SVOPL: variants seen among roughly 807,000 people sequenced by gnomAD.
SVOPL encodes the protein putative transporter SVOPL.
SVOPL carries 60 observed loss-of-function variants against 61.0 expected under a neutral mutation model. The observed-to-expected ratio is 0.98, with a 90% CI of 0.80 to 1.22. SVOPL has a LOEUF of 1.22. SVOPL is among the 50% of genes most tolerant of loss of function. The pLI is 0.00. For synonymous variants in SVOPL, 279 were observed against 250.0 expected (o/e 1.12, Z -1.09); for missense variants, 662 against 643.9 (o/e 1.03, Z -0.30).
chr7:138,680,429 G>A (rs1392266800), intron 1 of SVOPL, among the ~76,000 whole-genome samples: 2 of 152,146 alleles, frequency 1.3e-5, no homozygotes, highest in African/African-American at 2.4e-5. Context: ...GATTACAGGC[G>A]TGAGCCACCA....
intron 3 of SVOPL, among the ~76,000 whole-genome samples, chr7:138,677,195 C>CAA (rs1563135384): frequency 6.6e-6 from 1 of 152,110 alleles, no homozygotes; most frequent in East Asian, 1.9e-4. Flanking sequence ...TGAGCCACTG[C>CAA]GCCCGGCCTC....
chr7:138,668,383 GCT>G (rs1271671056), intron 4 of SVOPL, among the ~76,000 whole-genome samples: 1 of 152,154 alleles, frequency 6.6e-6, no homozygotes, highest in Non-Finnish European at 1.5e-5. Context: ...TGAGAAATCA[GCT>G]CTGTCTAGTC....
chr7:138,685,635 C>T (rs973354854), intron 1 of SVOPL, among the ~76,000 whole-genome samples: 4 of 152,076 alleles, frequency 2.6e-5, no homozygotes, highest in Non-Finnish European at 4.4e-5. Flanking sequence ...TGTGGTGGCT[C>T]ATGCCTGTAA....
chr7:138,649,663 T>C (rs1801321547), intron 7 of SVOPL, among the ~76,000 whole-genome samples: 1 of 151,922 alleles, frequency 6.6e-6, no homozygotes, highest in Admixed American at 6.6e-5. Context: ...CAGAAAGCAG[T>C]AAGGGCTGTA....
chr7:138,608,466 A>G (rs1798851094), intron 14 of SVOPL, among the ~76,000 whole-genome samples: 1 of 152,208 alleles, frequency 6.6e-6, no homozygotes, highest in African/African-American at 2.4e-5. Context: ...TGGATTTTCA[A>G]TACGTCGTGT....
At chr7:138,660,678 C>T in intron 5 of SVOPL, 17 of 985,390 alleles carry the variant, frequency 1.7e-5, no homozygotes, top group Non-Finnish European at 2.0e-5. Context: ...TCTCTGATAT[C>T]TTTAGCAAGC....
At chr7:138,700,780 G>A (rs79721006) in intron 1 of SVOPL, among the ~76,000 whole-genome samples, 2,276 of 152,032 alleles carry the variant, frequency 0.015, 41 homozygotes, top group East Asian at 0.063. Context: ...AGAATGCTTC[G>A]CGTCCCTCAC....
chr7:138,638,044 C>A (rs533740711), intron 9 of SVOPL, among the ~76,000 whole-genome samples: 2 of 152,012 alleles, frequency 1.3e-5, no homozygotes, highest in Non-Finnish European at 2.9e-5. Flanking sequence ...AAGGTAAATG[C>A]AGGTGGATCA....
intron 4 of SVOPL, among the ~76,000 whole-genome samples, chr7:138,671,355 T>C (rs1169162767): frequency 1.3e-5 from 2 of 152,192 alleles, no homozygotes; most frequent in African/African-American, 4.8e-5. Context: ...AAGGCTATTT[T>C]TTCTTTTTTG....
intron 12 of SVOPL, among the ~76,000 whole-genome samples, 190 bp downstream of exon 12, chr7:138,627,160 G>A (rs1799928010): frequency 6.6e-6 from 1 of 152,160 alleles, no homozygotes; most frequent in South Asian, 2.1e-4. Context: ...GCTGGAGGAA[G>A]ATGGGGTCTG....
At chr7:138,671,202 C>T (rs1802407014) in intron 4 of SVOPL, among the ~76,000 whole-genome samples, 3 of 152,098 alleles carry the variant, frequency 2.0e-5, no homozygotes. Flanking sequence ...TGCAGCTTCA[C>T]CTCCCATCAC....
Position 138,612,436 on chromosome 7 carries a change from T to TA in SVOPL, c.1353+8609dup, listed in dbSNP as rs60800575. Among the ~76,000 whole-genome samples, 53 of 17,860 alleles carry TA rather than the reference T, an allele frequency of 3.0e-3. 8 individuals are homozygous for TA. Among genetic ancestry groups the TA allele is most frequent in the African/African-American group, 0.011 (49 of 4,340 alleles). 11.7% of individuals were successfully genotyped at this position (17,860 alleles called of 152,430 possible). On this transcript the variant is annotated intron_variant, in intron 14 of 15. Coordinates refer to ENST00000674285, the MANE Select transcript of SVOPL (RefSeq NM_001139456.2). ...AAAAAAAAAAAAATAAAATAAAAAA[T>TA]AAAAAAAAAATAAAAAAAAAAAAAA... is the stretch of plus-strand genomic sequence containing the variant.
intron 1 of SVOPL, among the ~76,000 whole-genome samples, chr7:138,680,713 G>C (rs912434835): frequency 2.0e-5 from 3 of 152,012 alleles, no homozygotes; most frequent in Non-Finnish European, 4.4e-5. Flanking sequence ...TGAGTAGCTG[G>C]GACTACAGGC....
intron 1 of SVOPL, among the ~76,000 whole-genome samples, chr7:138,685,083 C>T (rs1311685851): frequency 2.0e-5 from 3 of 151,954 alleles, no homozygotes; most frequent in African/African-American, 4.8e-5. Flanking sequence ...CAGGCATGTG[C>T]CACCACACCC....
At chr7:138,595,800 G>A (rs955691637) in intron 15 of SVOPL, among the ~76,000 whole-genome samples, 2 of 152,088 alleles carry the variant, frequency 1.3e-5, no homozygotes, top group Admixed American at 1.3e-4. Context: ...TCCAAGTAAG[G>A]AACCTAAACA....
intron 14 of SVOPL, among the ~76,000 whole-genome samples, chr7:138,612,616 AG>A (rs1393017734): frequency 6.6e-6 from 1 of 151,568 alleles, no homozygotes; most frequent in Non-Finnish European, 1.5e-5. Flanking sequence ...CCAGGTTCTA[AG>A]GGATTCTCCT....
At chr7:138,655,070 A>T (rs1222694146) in intron 7 of SVOPL, among the ~76,000 whole-genome samples, 1 of 151,738 alleles carries the variant, frequency 6.6e-6, no homozygotes, top group Non-Finnish European at 1.5e-5. Flanking sequence ...CGCACCTGTA[A>T]TCCCAGTTAC....
intron 9 of SVOPL, among the ~76,000 whole-genome samples, chr7:138,636,614 G>A (rs1315601351): frequency 2.6e-5 from 4 of 151,798 alleles, no homozygotes; most frequent in Non-Finnish European, 5.9e-5. Context: ...GGGATTACAG[G>A]TGTCTGCCAC....
intron 13 of SVOPL, among the ~76,000 whole-genome samples, chr7:138,622,656 C>T (rs1799725818): frequency 6.6e-6 from 1 of 151,218 alleles, no homozygotes; most frequent in Non-Finnish European, 1.5e-5. Flanking sequence ...GAAACAAGAC[C>T]TCGCTATGTT....
Sources: allele counts gnomAD v4.1 joint callset (sites outside exome capture counted in the v4.1 genomes callset), GRCh38; gene constraint gnomAD v4.1.1; transcripts MANE v1.5; gene names NCBI Gene and HGNC (gene_info 2026-07-23, HGNC 2026-07-21).